UBAC2: variants seen among roughly 807,000 people sequenced by gnomAD.
The protein encoded by UBAC2 is ubiquitin-associated domain-containing protein 2.
In UBAC2, 26 loss-of-function variants were observed where a neutral mutation model predicts 44.0. The observed-to-expected ratio is 0.59, with a 90% CI of 0.43 to 0.82. The LOEUF is 0.82. Ranked by LOEUF, UBAC2 falls within the 40% of genes least tolerant of loss-of-function variation. The pLI is 0.00. For missense variants in UBAC2, 329 were observed against 419.4 expected, an observed-to-expected ratio of 0.78 and a Z score of 1.88; for synonymous variants, 155 against 154.3, an observed-to-expected ratio of 1.00 and a Z score of -0.04.
intron 4 of UBAC2, among the ~76,000 whole-genome samples, chr13:99,293,084 T>G (rs1467871175): frequency 6.6e-6 from 1 of 152,224 alleles, no homozygotes; most frequent in Admixed American, 6.5e-5. Flanking sequence ...TGAGTTTGAT[T>G]GGAGTACAGA....
chr13:99,332,827 C>T (rs796133188), intron 6 of UBAC2, among the ~76,000 whole-genome samples: 6 of 152,358 alleles, frequency 3.9e-5, no homozygotes, highest in African/African-American at 1.4e-4. Flanking sequence ...GCCTGCAAGA[C>T]CTCCTTGGTA....
At chr13:99,314,260 ATC>A in intron 5 of UBAC2, 40 bp downstream of exon 5, 6 of 1,244,984 alleles carry the variant, frequency 4.8e-6, no homozygotes, top group Admixed American at 3.1e-5. Flanking sequence ...CTTTAACCAG[ATC>A]TTTTTTTTTT....
rs1445362779 is a variant in UBAC2 at position 99,338,081 on chromosome 13, A to G, written c.562-2239A>G. ...TTTTTTTTTTTTTTTTTTTTGAGAC[A>G]GAGTCTCACTGTGTCGCCCAGGCTG... On this transcript the variant is annotated intron_variant, in intron 6 of 8. Coordinates refer to ENST00000403766, the MANE Select transcript of UBAC2 (RefSeq NM_001144072.2). Among the ~76,000 whole-genome samples, 40 of 73,288 alleles carry G rather than the reference A, an allele frequency of 5.5e-4. 2 individuals carry two copies. In the South Asian group the frequency reaches 0.022, roughly 41 times the overall value. 48.1% of individuals were successfully genotyped at this position (73,288 alleles called of 152,430 possible).
rs1566534965 is a variant in UBAC2, at chr13:99,386,364, A to C, written c.*1029A>C. The C allele has an allele frequency of 6.6e-6, 1 of 152,284 alleles. No homozygotes were observed. Among genetic ancestry groups the C allele is most frequent in the Non-Finnish European group, 1.5e-5 (1 of 68,052 alleles). The allele number at this position is 152,284 out of a possible 1,614,324, so 9.4% of individuals were successfully genotyped here. ...ACTGTTATGTTCTGCAAAATGAGCAACGATGTATCAAATTGATGCAAATTT... is the reference window on the plus strand; with the variant it reads ...ACTGTTATGTTCTGCAAAATGAGCACCGATGTATCAAATTGATGCAAATTT... On this transcript the variant is annotated 3_prime_UTR_variant, in exon 9 of 9. Transcript: ENST00000403766.
chr13:99,368,892 G>C (rs2045369661), intron 8 of UBAC2, among the ~76,000 whole-genome samples: 1 of 151,904 alleles, frequency 6.6e-6, no homozygotes, highest in South Asian at 2.1e-4. Flanking sequence ...GGAACGTACA[G>C]GATAGCCCTG....
At chr13:99,260,163 ATCCGAAGCTGGGCTGGTTTCTCTGCCC>A (rs2138640806) in intron 4 of UBAC2, among the ~76,000 whole-genome samples, 1 of 152,202 alleles carries the variant, frequency 6.6e-6, no homozygotes, top group African/African-American at 2.4e-5. Flanking sequence ...TTTCTCTGCC[ATCCGAAGCTGGGCTGGTTTCTCTGCCC>A]TCCGAAGCTG....
At chr13:99,253,369 AG>A (rs1197356751) in intron 4 of UBAC2, among the ~76,000 whole-genome samples, 2 of 152,084 alleles carry the variant, frequency 1.3e-5, no homozygotes, top group African/African-American at 4.8e-5. Context: ...TTCAGACCTC[AG>A]TTTTTTATAT....
At chr13:99,328,840 G>T (rs1436548517) in intron 6 of UBAC2, among the ~76,000 whole-genome samples, 5 of 151,900 alleles carry the variant, frequency 3.3e-5, no homozygotes, top group South Asian at 2.1e-4. Context: ...ATTGTTAACT[G>T]GTTTTTAAAA....
intron 1 of UBAC2, among the ~76,000 whole-genome samples, chr13:99,227,739 G>T (rs770544158): frequency 3.3e-5 from 5 of 152,138 alleles, no homozygotes; most frequent in Non-Finnish European, 7.3e-5. Context: ...ACAGTTTATT[G>T]CTGTGCCTCA....
At chr13:99,353,079 T>C (rs1362060705) in intron 7 of UBAC2, among the ~76,000 whole-genome samples, 1 of 152,236 alleles carries the variant, frequency 6.6e-6, no homozygotes, top group East Asian at 1.9e-4. Flanking sequence ...AACGATTCTT[T>C]TCAAGTTGCT....
intron 4 of UBAC2, among the ~76,000 whole-genome samples, chr13:99,245,934 A>G (rs1404621945): frequency 6.6e-6 from 1 of 152,246 alleles, no homozygotes; most frequent in Non-Finnish European, 1.5e-5. Context: ...ACCTCCAAGC[A>G]TCTGAATGAA....
intron 7 of UBAC2, among the ~76,000 whole-genome samples, chr13:99,362,763 T>A (rs983477565): frequency 6.6e-6 from 1 of 152,240 alleles, no homozygotes; most frequent in Non-Finnish European, 1.5e-5. Context: ...ATTTATTAAG[T>A]CTCATTGATT....
chr13:99,210,934 G>A (rs114949002), intron 1 of UBAC2, among the ~76,000 whole-genome samples: 18 of 152,206 alleles, frequency 1.2e-4, no homozygotes, highest in African/African-American at 4.3e-4. Flanking sequence ...TTTGTCATAA[G>A]CATTCCCCTA....
chr13:99,202,323 T>G (rs2042814057), intron 1 of UBAC2, among the ~76,000 whole-genome samples: 1 of 152,246 alleles, frequency 6.6e-6, no homozygotes, highest in South Asian at 2.1e-4. Flanking sequence ...CTAAGTAATC[T>G]TCCCCAAACT....
rs1555321112 is a variant in UBAC2, at chr13:99,232,399, G to GATATATATAT, written c.32-6023_32-6022insTATATATATA. Among the ~76,000 whole-genome samples, 62 of 109,958 alleles carry GATATATATAT rather than the reference G, an allele frequency of 5.6e-4. 2 individuals carry two copies. The South Asian group carries it at 5.7e-3, about 10-fold the overall frequency. The allele number at this position is 109,958 out of a possible 152,430, so 72.1% of individuals were successfully genotyped here. A position where few individuals can be genotyped will look rare whatever the true frequency, so the allele number is the denominator to read the frequency against. ...AGACCCTGTCCATCCTTAGTTGAGAGATATAGATATATATATATATATTCA... is the reference window on the plus strand; with the variant it reads ...AGACCCTGTCCATCCTTAGTTGAGAGATATATATATATATAGATATATATATATATATTCA... On this transcript the variant is annotated intron_variant, in intron 1 of 8. Transcript: ENST00000403766.
intron 8 of UBAC2, among the ~76,000 whole-genome samples, chr13:99,382,204 AT>A (rs1593995272): frequency 6.6e-6 from 1 of 152,302 alleles, no homozygotes; most frequent in East Asian, 1.9e-4. Flanking sequence ...GAGGGAGATG[AT>A]TAACAGTAGA....
chr13:99,300,239 G>A (rs2044238752), intron 4 of UBAC2, among the ~76,000 whole-genome samples: 1 of 152,234 alleles, frequency 6.6e-6, no homozygotes, highest in Non-Finnish European at 1.5e-5. Context: ...CGACCGTTGT[G>A]CACTGGAGGT....
At chr13:99,221,963 T>A (rs886340683) in intron 1 of UBAC2, among the ~76,000 whole-genome samples, 2 of 152,222 alleles carry the variant, frequency 1.3e-5, no homozygotes, top group Non-Finnish European at 1.5e-5. Flanking sequence ...TAATGTACTC[T>A]CCGAGTCACA....
chr13:99,206,460 C>T lies in UBAC2; in HGVS notation c.31+5521C>T, dbSNP rs1428540217. ...TCCACGGAATCACGCGTCCCGCAGC[C>T]GCTTCCCTGGCTTTGCTCACCACCA... On this transcript the variant is annotated intron_variant, in intron 1 of 8. Transcript: ENST00000403766. Among the ~76,000 whole-genome samples the T allele has an allele frequency of 1.3e-5, 2 of 152,232 alleles. 1 individual carries two copies. The highest frequency in any genetic ancestry group is 3.8e-4 in the East Asian group (2 of 5,204).
Sources: allele counts gnomAD v4.1 joint callset (sites outside exome capture counted in the v4.1 genomes callset), GRCh38; gene constraint gnomAD v4.1.1; transcripts MANE v1.5; gene names NCBI Gene and HGNC (gene_info 2026-07-23, HGNC 2026-07-21).